ROBO1: variants seen among roughly 807,000 people sequenced by gnomAD.
The protein encoded by ROBO1 is roundabout homolog 1.
A neutral mutation model predicts 195.9 loss-of-function variants in ROBO1; 149 were observed. That is an observed-to-expected ratio of 0.76 (90% CI 0.67 to 0.87). The LOEUF (loss-of-function observed/expected upper bound fraction) is 0.87. ROBO1 is among the 40% of genes least tolerant of loss of function. ROBO1 has a pLI of 0.00. For missense variants in ROBO1, 1,933 were observed against 2,068.3 expected, an observed-to-expected ratio of 0.93 and a Z score of 1.27; for synonymous variants, 816 against 733.2, an observed-to-expected ratio of 1.11 and a Z score of -1.82.
intron 2 of ROBO1, among the ~76,000 whole-genome samples, chr3:79,576,927 G>A (rs189774193): frequency 6.6e-6 from 1 of 152,058 alleles, no homozygotes; most frequent in Non-Finnish European, 1.5e-5. Context: ...GGCCAACATC[G>A]ACTTGTTCCA....
chr3:79,294,006 C>T (rs1371785841), intron 2 of ROBO1, among the ~76,000 whole-genome samples: 3 of 122,512 alleles, frequency 2.4e-5, no homozygotes, highest in Admixed American at 1.0e-4. Context: ...TGCAGTGAGC[C>T]GAGATCGCGC....
intron 4 of ROBO1, among the ~76,000 whole-genome samples, chr3:78,757,972 C>T (rs190117838): frequency 1.7e-4 from 26 of 152,272 alleles, no homozygotes; most frequent in Admixed American, 3.9e-4. Context: ...CTCTGAATCT[C>T]CAAGGAAAAT....
At chr3:79,727,603 C>G (rs1327569505) in intron 1 of ROBO1, among the ~76,000 whole-genome samples, 1 of 152,058 alleles carries the variant, frequency 6.6e-6, no homozygotes, top group Non-Finnish European at 1.5e-5. Context: ...ATTTTGGCAT[C>G]TCTGCTATTT....
intron 5 of ROBO1, among the ~76,000 whole-genome samples, chr3:78,731,065 A>T (rs984235492): frequency 5.3e-5 from 8 of 152,168 alleles, no homozygotes; most frequent in African/African-American, 1.9e-4. Flanking sequence ...CTATTTCTAT[A>T]GTTATTGGTG....
intron 2 of ROBO1, among the ~76,000 whole-genome samples, chr3:79,288,487 C>G (rs941395254): frequency 1.3e-5 from 2 of 152,106 alleles, no homozygotes; most frequent in South Asian, 2.1e-4. Context: ...TCTTTAGATA[C>G]GTGTGCATGT....
chr3:78,737,430 T>G (rs2108228225), intron 5 of ROBO1, among the ~76,000 whole-genome samples: 1 of 152,298 alleles, frequency 6.6e-6, no homozygotes, highest in Admixed American at 6.5e-5. Context: ...AGAACACCAT[T>G]ACTAATAGGT....
intron 1 of ROBO1, among the ~76,000 whole-genome samples, chr3:79,662,363 A>T (rs769890354): frequency 6.6e-6 from 1 of 152,086 alleles, no homozygotes; most frequent in Non-Finnish European, 1.5e-5. Flanking sequence ...TATCTTTATA[A>T]AAACCTGCTA....
chr3:79,430,926 T>C (rs547280894), intron 2 of ROBO1, among the ~76,000 whole-genome samples: 1 of 152,254 alleles, frequency 6.6e-6, no homozygotes, highest in East Asian at 1.9e-4. Flanking sequence ...CAAATTTTTA[T>C]TGTTATTGTT....
At chr3:79,255,704 T>C (rs892346849) in intron 2 of ROBO1, among the ~76,000 whole-genome samples, 3 of 152,190 alleles carry the variant, frequency 2.0e-5, no homozygotes, top group African/African-American at 4.8e-5. Context: ...TGGTAATATA[T>C]ACGAAGGGCG....
chr3:79,363,435 T>C (rs1467535489), intron 2 of ROBO1, among the ~76,000 whole-genome samples: 1 of 152,244 alleles, frequency 6.6e-6, no homozygotes, highest in East Asian at 1.9e-4. Context: ...TTATTTATGA[T>C]ACCAGGATTT....
At chr3:79,484,702 T>A (rs1324565077) in intron 2 of ROBO1, among the ~76,000 whole-genome samples, 1 of 151,248 alleles carries the variant, frequency 6.6e-6, no homozygotes, top group East Asian at 1.9e-4. Context: ...TAAATATGGG[T>A]TAAGTATATT....
chr3:78,801,373 T>C (rs1212658400), intron 4 of ROBO1, among the ~76,000 whole-genome samples: 3 of 152,176 alleles, frequency 2.0e-5, no homozygotes, highest in Non-Finnish European at 2.9e-5. Context: ...TTACATCTTT[T>C]TAGACATAAT....
intron 3 of ROBO1, among the ~76,000 whole-genome samples, chr3:79,116,497 T>A (rs1457676777): frequency 1.3e-5 from 2 of 149,140 alleles, no homozygotes; most frequent in African/African-American, 4.9e-5. Context: ...CTTCTCTCTC[T>A]CTTTCTTTCT....
At chr3:79,296,418 G>A (rs999314507) in intron 2 of ROBO1, among the ~76,000 whole-genome samples, 28 of 152,224 alleles carry the variant, frequency 1.8e-4, no homozygotes, top group African/African-American at 6.5e-4. Context: ...TCTATGTGTA[G>A]ACTCTGCCAT....
At chr3:78,975,946 G>A (rs2076875817) in intron 3 of ROBO1, among the ~76,000 whole-genome samples, 1 of 152,122 alleles carries the variant, frequency 6.6e-6, no homozygotes, top group African/African-American at 2.4e-5. Context: ...GCAGCATAAA[G>A]ACCTTTACTC....
In ROBO1 at chr3:78,831,211, G is replaced by A. The variant is rs896858494; in HGVS notation, c.500-84311C>T. ...CAGGGATGAGCCACCATGCCCGGCC[G>A]GTAACCCTGGGTTTTAAAGCCATAT... On this transcript the variant is annotated intron_variant, in intron 4 of 30. Coordinates refer to ENST00000464233, the MANE Select transcript of ROBO1 (RefSeq NM_002941.4). Among the ~76,000 whole-genome samples, 19 of 151,932 alleles carry A rather than the reference G, an allele frequency of 1.3e-4. No homozygotes were observed. The East Asian group carries it at 2.3e-3, about 19-fold the overall frequency.
chr3:79,002,730 C>A (rs1246271976), intron 3 of ROBO1, among the ~76,000 whole-genome samples: 2 of 152,068 alleles, frequency 1.3e-5, no homozygotes, highest in Non-Finnish European at 2.9e-5. Flanking sequence ...TCAATTTCAT[C>A]TTTGCTTTCT....
At chr3:79,232,211 T>G (rs1415436104) in intron 2 of ROBO1, among the ~76,000 whole-genome samples, 1 of 146,896 alleles carries the variant, frequency 6.8e-6, no homozygotes, top group Non-Finnish European at 1.5e-5. Context: ...AAATAGAAAT[T>G]GAAAGAAAAA....
chr3:78,668,450 C>T, intron 12 of ROBO1, 34 bp downstream of exon 12: 1 of 1,610,354 alleles, frequency 6.2e-7, no homozygotes, highest in Non-Finnish European at 8.5e-7. Context: ...GCATTTTAAG[C>T]TTCACTTTAA....
Sources: allele counts gnomAD v4.1 joint callset (sites outside exome capture counted in the v4.1 genomes callset), GRCh38; gene constraint gnomAD v4.1.1; transcripts MANE v1.5; gene names NCBI Gene and HGNC (gene_info 2026-07-23, HGNC 2026-07-21).